The following SLC71A1 variants were observed in gnomAD, a reference collection of about 807,000 sequenced individuals.
The protein encoded by SLC71A1 is solute carrier family 71 member 1.
the SLC71A1 span, among the ~76,000 whole-genome samples, chr1:100,053,681 A>G: frequency 1.3e-5 from 2 of 152,184 alleles, no homozygotes; most frequent in Admixed American, 1.3e-4. Flanking sequence ...AACTAATGTG[A>G]CATTTTAAGA....
the SLC71A1 span, chr1:100,068,194 CG>C: frequency 6.2e-7 from 1 of 1,612,476 alleles, no homozygotes; most frequent in Admixed American, 1.7e-5. Context: ...GACCCTTTTG[CG>C]GTAAGTTTAT....
chr1:100,051,118 C>T, the SLC71A1 span, among the ~76,000 whole-genome samples: 15 of 149,324 alleles, frequency 1.0e-4, no homozygotes, highest in South Asian at 1.7e-3. Context: ...AACAGCCGGG[C>T]GCGGTGGCTC....
the SLC71A1 span, among the ~76,000 whole-genome samples, chr1:100,051,762 A>G: frequency 6.6e-6 from 1 of 152,210 alleles, no homozygotes; most frequent in African/African-American, 2.4e-5. Flanking sequence ...CCTACCATTT[A>G]AAGTACTTGA....
the SLC71A1 span, among the ~76,000 whole-genome samples, chr1:100,055,548 C>T: frequency 6.6e-6 from 1 of 151,572 alleles, no homozygotes; most frequent in Admixed American, 6.6e-5. Context: ...AGAGGGCATG[C>T]CATTTTTCCT....
At chr1:100,070,112 C>A in the SLC71A1 span, among the ~76,000 whole-genome samples, 1 of 152,088 alleles carries the variant, frequency 6.6e-6, no homozygotes, top group Non-Finnish European at 1.5e-5. Flanking sequence ...CCAATGTAAA[C>A]ATATCAGATG....
the SLC71A1 span, among the ~76,000 whole-genome samples, chr1:100,075,691 CATGGGTG>C: frequency 1.1e-4 from 17 of 152,258 alleles, no homozygotes; most frequent in Middle Eastern, 3.4e-3. Flanking sequence ...ACCCACAAGT[CATGGGTG>C]ACTTGAGATG....
chr1:100,058,505 A>G, the SLC71A1 span, among the ~76,000 whole-genome samples: 5 of 152,350 alleles, frequency 3.3e-5, no homozygotes, highest in African/African-American at 1.2e-4. Flanking sequence ...TAAGTACCAT[A>G]TAAATATTTG....
At chr1:100,077,338 T>G in the SLC71A1 span, 1 of 857,702 alleles carries the variant, frequency 1.2e-6, no homozygotes, top group Non-Finnish European at 1.9e-6. Flanking sequence ...TGTGTTTTTA[T>G]TTGCTTCTCA....
At chr1:100,067,775 A>G in the SLC71A1 span, among the ~76,000 whole-genome samples, 1 of 151,888 alleles carries the variant, frequency 6.6e-6, no homozygotes, top group Admixed American at 6.6e-5. Context: ...GCACCACTGC[A>G]CTCCAGCCTG....
the SLC71A1 span, among the ~76,000 whole-genome samples, chr1:100,066,136 GA>G: frequency 6.6e-6 from 1 of 152,156 alleles, no homozygotes; most frequent in Non-Finnish European, 1.5e-5. Flanking sequence ...GACTTCCTCA[GA>G]GTTTTAGAGA....
chr1:100,068,755 G>C, the SLC71A1 span, among the ~76,000 whole-genome samples: 1 of 152,154 alleles, frequency 6.6e-6, no homozygotes, highest in African/African-American at 2.4e-5. Flanking sequence ...GGCCAAGGTG[G>C]GTGGATCAGC....
the SLC71A1 span, chr1:100,069,806 G>A: frequency 2.9e-6 from 2 of 696,746 alleles, no homozygotes; most frequent in South Asian, 3.3e-5. Flanking sequence ...AGGTTGATAG[G>A]TTCAGAAATT....
At chr1:100,038,546 G>A in the SLC71A1 span, among the ~76,000 whole-genome samples, 67 of 152,298 alleles carry the variant, frequency 4.4e-4, no homozygotes, top group Admixed American at 4.6e-4. Flanking sequence ...TCCCGCACCT[G>A]CCGCCCTCTG....
At chr1:100,070,891 A>G in the SLC71A1 span, among the ~76,000 whole-genome samples, 2 of 152,292 alleles carry the variant, frequency 1.3e-5, no homozygotes, top group Admixed American at 1.3e-4. Flanking sequence ...TTTCTCGAGT[A>G]GGATTCCTTC....
chr1:100,042,605 T>C, the SLC71A1 span, among the ~76,000 whole-genome samples: 2 of 151,772 alleles, frequency 1.3e-5, no homozygotes, highest in Non-Finnish European at 2.9e-5. Context: ...TTTCTTTTTC[T>C]TTCTTTTTTT....
the SLC71A1 span, among the ~76,000 whole-genome samples, chr1:100,065,486 C>T: frequency 2.1e-5 from 3 of 144,038 alleles, no homozygotes; most frequent in African/African-American, 7.7e-5. Context: ...CTTCTCTTCC[C>T]CCTCCCCTCC....
the SLC71A1 span, chr1:100,077,086 A>G: frequency 2.9e-6 from 2 of 686,176 alleles, no homozygotes; most frequent in South Asian, 2.0e-5. Flanking sequence ...AAAAGTGCCA[A>G]TAGTCCTTTT....
At chr1:100,074,579 C>T in the SLC71A1 span, among the ~76,000 whole-genome samples, 2 of 150,058 alleles carry the variant, frequency 1.3e-5, no homozygotes, top group Non-Finnish European at 3.0e-5. Context: ...AACTCCATCT[C>T]GGGGGGAAAA....
the SLC71A1 span, among the ~76,000 whole-genome samples, chr1:100,063,848 A>G: frequency 6.6e-6 from 1 of 152,204 alleles, no homozygotes; most frequent in Non-Finnish European, 1.5e-5. Flanking sequence ...TTTTCTGAGC[A>G]GAAAGAAATG....
Sources: gnomAD v4.1 joint callset for allele counts (sites outside exome capture counted in the v4.1 genomes callset) on GRCh38, gnomAD v4.1.1 for gene constraint, MANE v1.5 for transcripts, NCBI Gene and HGNC (gene_info 2026-07-23, HGNC 2026-07-21) for gene names.